Variants in MACROD2 observed in about 807,000 individuals in gnomAD.
MACROD2 encodes mono-ADP ribosylhydrolase 2.
In MACROD2, 36 loss-of-function variants were observed where a neutral mutation model predicts 70.4. The ratio of observed to expected loss-of-function variants is 0.51; its 90% CI spans 0.39 to 0.68. The LOEUF (loss-of-function observed/expected upper bound fraction) is 0.68, where lower values mean the gene tolerates loss of function less well. Among genes scored for constraint, MACROD2 ranks in the 30% least tolerant of loss-of-function variants. The pLI, the probability that MACROD2 is intolerant of heterozygous loss-of-function variation, is 0.00. For synonymous variants in MACROD2, 172 were observed against 178.8 expected (o/e 0.96, Z 0.30); for missense variants, 496 against 538.4 (o/e 0.92, Z 0.78).
chr20:15,289,919 C>T (rs2077526801), intron 6 of MACROD2, among the ~76,000 whole-genome samples: 1 of 152,150 alleles, frequency 6.6e-6, no homozygotes, highest in Admixed American at 6.5e-5. Context: ...AAGAGTAACA[C>T]ATTTGATGTC....
At chr20:15,797,152 T>C (rs948655604) in intron 8 of MACROD2, among the ~76,000 whole-genome samples, 23 of 152,092 alleles carry the variant, frequency 1.5e-4, no homozygotes, top group Non-Finnish European at 2.9e-5. Context: ...CTCGCTCTGT[T>C]GCCCAGGCTG....
At position 15,869,265 on chromosome 20, in the gene MACROD2, A is replaced by AGAGAGAGAGAGAGAGC. The variant is rs1322416478; in HGVS notation, c.727+6442_727+6443insAGAGAGAGAGAGCGAG. 4.2e-5 allele frequency among the ~76,000 whole-genome samples: 6 copies of AGAGAGAGAGAGAGAGC among 141,900 alleles called. 1 individual carries two copies. Among genetic ancestry groups the AGAGAGAGAGAGAGAGC allele is most frequent in the African/African-American group, 1.5e-4 (6 of 39,224 alleles). The allele number at this position is 141,900 out of a possible 152,430, so 93.1% of individuals were successfully genotyped here. A position where few individuals can be genotyped will look rare whatever the true frequency, so the allele number is the denominator to read the frequency against. ...GAGAGAGAGAGAGAGAGAGAGAGAG[A>AGAGAGAGAGAGAGAGC]GAGCAATGCTGGGAAAACTAATAAG... On this transcript the variant is annotated intron_variant, in intron 9 of 17. Coordinates refer to ENST00000684519, the MANE Select transcript of MACROD2 (RefSeq NM_001351661.2).
intron 3 of MACROD2, among the ~76,000 whole-genome samples, chr20:14,165,943 T>C (rs1048484806): frequency 1.3e-5 from 2 of 152,192 alleles, no homozygotes; most frequent in Non-Finnish European, 2.9e-5. Context: ...GTTACCATGA[T>C]TTTCAGAAAG....
Position 14,202,416 on chromosome 20 carries a change from T to C in MACROD2, c.271+116688T>C, listed in dbSNP as rs536578324. 8.5e-5 allele frequency among the ~76,000 whole-genome samples: 13 copies of C among 152,344 alleles called. 1 individual carries two copies. In the South Asian group the frequency reaches 2.7e-3, roughly 32 times the overall value. On this transcript the variant is annotated intron_variant, in intron 3 of 17. Transcript: ENST00000684519. Reference sequence around the variant, plus strand: ...GATTAGAAGAAACACTTCTGTTTTATAGCCTACTTTCCTTCTACTTTAGTT... The same window carrying C: ...GATTAGAAGAAACACTTCTGTTTTACAGCCTACTTTCCTTCTACTTTAGTT...
chr20:14,372,725 G>C (rs1352083240), intron 3 of MACROD2, among the ~76,000 whole-genome samples: 1 of 151,794 alleles, frequency 6.6e-6, no homozygotes, highest in Non-Finnish European at 1.5e-5. Flanking sequence ...GTTTTTTTTG[G>C]AGAGTTCCAC....
At chr20:15,448,333 A>C (rs1343775850) in intron 7 of MACROD2, among the ~76,000 whole-genome samples, 1 of 151,986 alleles carries the variant, frequency 6.6e-6, no homozygotes, top group Non-Finnish European at 1.5e-5. Context: ...TCAGCTGGTT[A>C]ATGGTGGTTA....
intron 5 of MACROD2, among the ~76,000 whole-genome samples, chr20:14,985,232 C>G (rs2074838165): frequency 6.6e-6 from 1 of 152,190 alleles, no homozygotes; most frequent in South Asian, 2.1e-4. Flanking sequence ...GAGCTCCTGA[C>G]TTAGTTCATT....
At chr20:14,222,713 C>A (rs777120512) in intron 3 of MACROD2, among the ~76,000 whole-genome samples, 1 of 149,170 alleles carries the variant, frequency 6.7e-6, no homozygotes, top group Non-Finnish European at 1.5e-5. Flanking sequence ...TTGTTAGATG[C>A]GATTATTGTT....
chr20:15,206,014 T>G (rs1407704807), intron 5 of MACROD2, among the ~76,000 whole-genome samples: 2 of 152,214 alleles, frequency 1.3e-5, no homozygotes, highest in African/African-American at 4.8e-5. Context: ...TATAAATTAT[T>G]GTTTCAAACA....
rs1261010402 is a variant in MACROD2, at chr20:15,562,902, C to CACT, written c.645+63055_645+63056insACT. Among the ~76,000 whole-genome samples the CACT allele has an allele frequency of 4.6e-5, 7 of 152,202 alleles. No individual in the cohort carries two copies. The East Asian group carries it at 1.4e-3, about 29-fold the overall frequency. ...TGCATCTGGATGGAGCTAGGGAGACCCAGTGACAGAGGGAGCCTGGGATCA... is the reference window on the plus strand; with the variant it reads ...TGCATCTGGATGGAGCTAGGGAGACCACTCAGTGACAGAGGGAGCCTGGGATCA... On this transcript the variant is annotated intron_variant, in intron 8 of 17. Coordinates refer to ENST00000684519, the MANE Select transcript of MACROD2 (RefSeq NM_001351661.2).
At chr20:15,295,595 T>TCA (rs3223712) in intron 6 of MACROD2, among the ~76,000 whole-genome samples, 2,036 of 148,038 alleles carry the variant, frequency 0.014, 17 homozygotes, top group African/African-American at 0.027. Context: ...ATGTCTGTCA[T>TCA]CACACACACA....
At chr20:14,806,905 G>T (rs1313360103) in intron 5 of MACROD2, among the ~76,000 whole-genome samples, 3 of 152,040 alleles carry the variant, frequency 2.0e-5, no homozygotes, top group Non-Finnish European at 4.4e-5. Flanking sequence ...CTCCTCTCTG[G>T]GCAGGGCATC....
At chr20:15,066,288 C>T (rs553372790) in intron 5 of MACROD2, among the ~76,000 whole-genome samples, 71 of 151,872 alleles carry the variant, frequency 4.7e-4, no homozygotes, top group Non-Finnish European at 8.2e-4. Flanking sequence ...CCCACCACAA[C>T]GCCTGGCTAA....
In MACROD2 at chr20:15,422,193, C is replaced by A. The variant is rs147409230; in HGVS notation, c.541-9212C>A. Reference sequence around the variant, plus strand: ...ATTAAAGCATGATGGGAGGTGATTACAGGGTTGAGTTGAGGAAGAGGACAT... The same window carrying A: ...ATTAAAGCATGATGGGAGGTGATTAAAGGGTTGAGTTGAGGAAGAGGACAT... On this transcript the variant is annotated intron_variant, in intron 6 of 17. Coordinates refer to ENST00000684519, the MANE Select transcript of MACROD2 (RefSeq NM_001351661.2). Among the ~76,000 whole-genome samples, 233 of 152,256 alleles carry A rather than the reference C, an allele frequency of 1.5e-3. 1 individual carries two copies. The highest frequency in any genetic ancestry group is 5.5e-3 in the African/African-American group (228 of 41,566).
intron 15 of MACROD2, among the ~76,000 whole-genome samples, chr20:16,027,463 TTGAC>T (rs754190470): frequency 7.2e-5 from 11 of 152,212 alleles, no homozygotes; most frequent in Non-Finnish European, 1.5e-4. Context: ...AAGTTATTCT[TTGAC>T]TGAAGAGCTA....
At chr20:14,248,767 G>A (rs1384350974) in intron 3 of MACROD2, among the ~76,000 whole-genome samples, 1 of 151,752 alleles carries the variant, frequency 6.6e-6, no homozygotes, top group African/African-American at 2.4e-5. Context: ...AAACACTTTT[G>A]GTCCCATGCA....
chr20:15,659,675 T>G (rs1268776523), intron 8 of MACROD2, among the ~76,000 whole-genome samples: 8 of 151,984 alleles, frequency 5.3e-5, no homozygotes, highest in African/African-American at 1.7e-4. Context: ...CATTTTGTGT[T>G]GCTACAAAGA....
chr20:15,667,891 T>G (rs4814395), intron 8 of MACROD2, among the ~76,000 whole-genome samples: 21,166 of 152,216 alleles, frequency 0.14, 3,269 homozygotes, highest in African/African-American at 0.36. Flanking sequence ...AAGTCTTCTA[T>G]TTCTTGTAAA....
intron 5 of MACROD2, among the ~76,000 whole-genome samples, chr20:14,955,615 A>G (rs1176060271): frequency 6.6e-6 from 1 of 151,878 alleles, no homozygotes; most frequent in African/African-American, 2.4e-5. Flanking sequence ...ACCAGTGTTC[A>G]CCCTTCCCCC....
Sources: gnomAD v4.1 joint callset for allele counts (sites outside exome capture counted in the v4.1 genomes callset) on GRCh38, gnomAD v4.1.1 for gene constraint, MANE v1.5 for transcripts, NCBI Gene and HGNC (gene_info 2026-07-23, HGNC 2026-07-21) for gene names.